PELI2: variants seen among roughly 807,000 people sequenced by gnomAD.
The protein encoded by PELI2 is pellino E3 ubiquitin protein ligase family member 2.
Under a neutral mutation model 42.3 loss-of-function variants are expected in PELI2, and 23 were observed. The ratio of observed to expected loss-of-function variants is 0.54; its 90% CI spans 0.39 to 0.77. PELI2 has a LOEUF of 0.77. Ranked by LOEUF, PELI2 falls within the 30% of genes least tolerant of loss-of-function variation. The probability of loss-of-function intolerance (pLI) is 0.00; values close to 1 mark genes in which losing one functional copy is unlikely to be tolerated. For missense variants in PELI2, 463 were observed against 553.2 expected (o/e 0.84, Z 1.64); for synonymous variants, 245 against 212.2 (o/e 1.15, Z -1.34).
intron 1 of PELI2, chr14:56,145,045 A>G: frequency 2.8e-6 from 2 of 722,470 alleles, no homozygotes; most frequent in Non-Finnish European, 3.4e-6. Context: ...ATTGCTATGA[A>G]GAACTTCCTG....
chr14:56,177,325 AGG>A (rs1455417158), intron 1 of PELI2, among the ~76,000 whole-genome samples: 2 of 152,226 alleles, frequency 1.3e-5, no homozygotes, highest in African/African-American at 4.8e-5. Context: ...GAGAAGGCCC[AGG>A]GATCTGTGGG....
At chr14:56,295,483 C>G (rs898977825) in intron 5 of PELI2, among the ~76,000 whole-genome samples, 1 of 152,136 alleles carries the variant, frequency 6.6e-6, no homozygotes, top group African/African-American at 2.4e-5. Context: ...TTCCTGCTAT[C>G]CTCCCTACTG....
intron 2 of PELI2, among the ~76,000 whole-genome samples, chr14:56,251,379 G>C (rs1161486224): frequency 6.6e-6 from 1 of 152,174 alleles, no homozygotes; most frequent in East Asian, 1.9e-4. Context: ...TTTTATCCCT[G>C]CAACAATCCT....
At chr14:56,208,132 CAAAG>C (rs1408828829) in intron 2 of PELI2, among the ~76,000 whole-genome samples, 3 of 152,280 alleles carry the variant, frequency 2.0e-5, no homozygotes, top group African/African-American at 7.2e-5. Context: ...GTCTGGTGAG[CAAAG>C]AAAGAGTCAT....
Position 56,234,746 on chromosome 14 carries a change from A to ATT in PELI2, c.208-44923_208-44922dup, listed in dbSNP as rs150521581. ...GCACATGTACCCTAGAACTTAAAGT[A>ATT]TTTTTTTTAAAAAATGTAAAAAGTG... On this transcript the variant is annotated intron_variant, in intron 2 of 5. Transcript: ENST00000267460. Among the ~76,000 whole-genome samples the ATT allele has an allele frequency of 1.3e-3, 191 of 151,136 alleles. 3 individuals are homozygous for ATT. The East Asian group carries it at 0.026, about 20-fold the overall frequency.
At chr14:56,286,746 T>G (rs549204228) in intron 3 of PELI2, among the ~76,000 whole-genome samples, 75 of 152,222 alleles carry the variant, frequency 4.9e-4, no homozygotes, top group African/African-American at 1.5e-3. Context: ...TGTTGTTTTT[T>G]TTGTTGTTGT....
intron 2 of PELI2, among the ~76,000 whole-genome samples, chr14:56,234,184 A>T (rs1887695316): frequency 6.6e-6 from 1 of 152,196 alleles, no homozygotes; most frequent in Admixed American, 6.5e-5. Context: ...ATTGTGGGAG[A>T]CAGTGTGGCC....
intron 3 of PELI2, among the ~76,000 whole-genome samples, chr14:56,286,875 C>A (rs933050284): frequency 1.3e-5 from 2 of 151,968 alleles, no homozygotes; most frequent in African/African-American, 4.8e-5. Context: ...TGTGTATGAC[C>A]GATCAAGATA....
chr14:56,144,500 A>G (rs1488412823), intron 1 of PELI2, among the ~76,000 whole-genome samples: 3 of 152,230 alleles, frequency 2.0e-5, no homozygotes, highest in African/African-American at 7.2e-5. Context: ...TTATGTAAAT[A>G]TAACTGATTA....
At chr14:56,233,984 A>G (rs1418317334) in intron 2 of PELI2, among the ~76,000 whole-genome samples, 12 of 152,254 alleles carry the variant, frequency 7.9e-5, no homozygotes, top group Admixed American at 7.2e-4. Context: ...TATGCAGCCA[A>G]CGGACACATG....
intron 1 of PELI2, among the ~76,000 whole-genome samples, chr14:56,154,985 A>G (rs1234916748): frequency 3.3e-5 from 5 of 152,176 alleles, no homozygotes; most frequent in Non-Finnish European, 7.3e-5. Context: ...TTGGATTTAT[A>G]TGTTAAAAAA....
In PELI2 at chr14:56,125,778, A is replaced by G. The variant is rs535401871; in HGVS notation, c.77+7041A>G. Among the ~76,000 whole-genome samples the G allele has an allele frequency of 7.9e-5, 12 of 152,212 alleles. No individual in the cohort carries two copies. In the South Asian group the frequency reaches 8.3e-4, roughly 11 times the overall value. The stretch of plus-strand genomic sequence containing the variant: ...CAGAGTGGCCATTGAATTCCACCAG[A>G]GCGTATTGCCCCTTGAGGGTAGGAA... On this transcript the variant is annotated intron_variant, in intron 1 of 5. Transcript: ENST00000267460.
rs111825772 is a variant in PELI2, at chr14:56,218,702, C to CGTGTGTGT, written c.207+40255_207+40262dup. Among the ~76,000 whole-genome samples the CGTGTGTGT allele has an allele frequency of 5.5e-4, 82 of 149,800 alleles. 2 individuals are homozygous for CGTGTGTGT. Among genetic ancestry groups the CGTGTGTGT allele is most frequent in the African/African-American group, 1.8e-3 (75 of 40,766 alleles). ...CTGTGTGCATGCACGCACATGTGTG[C>CGTGTGTGT]GTGTGTGTGTGTGTGTGTGTGTGTT... On this transcript the variant is annotated intron_variant, in intron 2 of 5. Coordinates refer to ENST00000267460, the MANE Select transcript of PELI2 (RefSeq NM_021255.3).
chr14:56,228,570 T>A (rs1475881054), intron 2 of PELI2, among the ~76,000 whole-genome samples: 2 of 152,240 alleles, frequency 1.3e-5, no homozygotes, highest in African/African-American at 4.8e-5. Context: ...TAACATTTTT[T>A]AAAAACTGGA....
intron 2 of PELI2, among the ~76,000 whole-genome samples, chr14:56,276,734 A>G (rs61987417): frequency 0.013 from 2,039 of 152,284 alleles, 20 homozygotes; most frequent in Non-Finnish European, 0.022. Context: ...GCCCTTGGCT[A>G]GTACTTTTTT....
At chr14:56,164,539 G>A (rs1318499436) in intron 1 of PELI2, among the ~76,000 whole-genome samples, 2 of 152,074 alleles carry the variant, frequency 1.3e-5, no homozygotes, top group South Asian at 2.1e-4. Flanking sequence ...TGGTATCAGG[G>A]AAATATTGGC....
chr14:56,157,489 T>C (rs78775284), intron 1 of PELI2, among the ~76,000 whole-genome samples: 20,803 of 152,164 alleles, frequency 0.14, 1,570 homozygotes, highest in Middle Eastern at 0.18. Context: ...GCTTTATGCT[T>C]TGTAGCTCAT....
chr14:56,198,124 C>G (rs1886206104), intron 2 of PELI2, among the ~76,000 whole-genome samples: 1 of 152,128 alleles, frequency 6.6e-6, no homozygotes, highest in African/African-American at 2.4e-5. Flanking sequence ...ACGGGACTCT[C>G]TCAGAGGAAT....
intron 1 of PELI2, among the ~76,000 whole-genome samples, chr14:56,130,603 C>T (rs898791225): frequency 6.6e-6 from 1 of 152,060 alleles, no homozygotes; most frequent in African/African-American, 2.4e-5. Context: ...CACATATGCG[C>T]TTTGCCCACA....
Sources: gnomAD v4.1 joint callset for allele counts (sites outside exome capture counted in the v4.1 genomes callset) on GRCh38, gnomAD v4.1.1 for gene constraint, MANE v1.5 for transcripts, NCBI Gene and HGNC (gene_info 2026-07-23, HGNC 2026-07-21) for gene names.